The following ATAD3A variants were observed in gnomAD, a reference collection of about 807,000 sequenced individuals.
The protein encoded by ATAD3A is ATPase family AAA domain containing 3A, also known as ATPase family AAA domain-containing protein 3A.
ATAD3A carries 46 observed loss-of-function variants against 73.8 expected under a neutral mutation model. That is an observed-to-expected ratio of 0.62 (90% confidence interval 0.49 to 0.80). ATAD3A has a LOEUF of 0.80. ATAD3A is among the 30% of genes least tolerant of loss of function. The pLI, the probability that ATAD3A is intolerant of heterozygous loss-of-function variation, is 0.00. For synonymous variants in ATAD3A, 319 were observed against 350.0 expected (o/e 0.91, Z 0.99); for missense variants, 705 against 838.0 (o/e 0.84, Z 1.96).
chr1:1,521,911 T>C (rs1040501703), intron 7 of ATAD3A, among the ~76,000 whole-genome samples: 3 of 152,066 alleles, frequency 2.0e-5, no homozygotes, highest in African/African-American at 7.2e-5. Flanking sequence ...GTATTTTTAG[T>C]AGAGATGGGT....
intron 4 of ATAD3A, among the ~76,000 whole-genome samples, 155 bp downstream of exon 4, chr1:1,517,930 A>T (rs1379808436): frequency 1.3e-5 from 2 of 152,044 alleles, no homozygotes; most frequent in African/African-American, 4.8e-5. Context: ...GACACGCACC[A>T]GCACACGTGT....
chr1:1,534,360 C>A lies in ATAD3A; in HGVS notation c.*288C>A. On this transcript the variant is annotated 3_prime_UTR_variant, in exon 16 of 16. Transcript: ENST00000378756. The stretch of plus-strand genomic sequence containing the variant: ...CAGGGGGAGGGTGAGGCTTTGCACC[C>A]CAGCCCCTGCCCAGGCCACTGTGAG... 7.2e-7 allele frequency: 1 copy of A among 1,389,514 alleles called. No individual in the cohort carries two copies. Among genetic ancestry groups the A allele is most frequent in the South Asian group, 1.7e-5 (1 of 58,614 alleles). 86.1% of individuals were successfully genotyped at this position (1,389,514 alleles called of 1,614,324 possible). A position where few individuals can be genotyped will look rare whatever the true frequency, so the allele number is the denominator to read the frequency against.
Position 1,523,901 on chromosome 1 carries a change from C to T in ATAD3A, c.1026C>T (p.Arg342=). ...AIATRNTKKN[R]SLYRNILMYG... is the part of the protein sequence containing the mutation. ...CAACAAGGAACACCAAGAAGAACCG[C>T]AGCCTGTACAGGAACATCCTGATGT... The change falls in exon 10 of 16, where the codon CGC becomes CGT. Residue 342 remains arginine (R), a synonymous_variant. Transcript: ENST00000378756. The surrounding 1 kb of genome is among the most constrained non-coding windows in gnomAD (Gnocchi z 5.1). The T allele has an allele frequency of 1.9e-6, 3 of 1,613,996 alleles. No individual in the cohort carries two copies. The highest frequency in any genetic ancestry group is 2.5e-6 in the Non-Finnish European group (3 of 1,179,984).
intron 7 of ATAD3A, among the ~76,000 whole-genome samples, chr1:1,521,175 T>G (rs1474475704): frequency 3.3e-5 from 5 of 150,400 alleles, no homozygotes; most frequent in African/African-American, 1.2e-4. Context: ...GGCGGGCGCC[T>G]ATAGTCCCAG....
At chr1:1,512,579 G>C in intron 1 of ATAD3A, 106 bp downstream of exon 1, 4 of 1,399,706 alleles carry the variant, frequency 2.9e-6, no homozygotes, top group Non-Finnish European at 3.8e-6. Context: ...GCCACTTCCC[G>C]GGCGAGACTG....
rs574343682 is a variant in ATAD3A at position 1,522,810 on chromosome 1, C to A, written c.817C>A (p.Arg273Ser). ...SAKNATLVAG[R>S]FIEARLGKPS... is the part of the protein sequence containing the mutation. ...CAAGAATGCCACGCTTGTCGCCGGC[C>A]GCTTCATCGAGGCTCGGCTGGGGAA... is the stretch of plus-strand genomic sequence containing the variant. The change falls in exon 8 of 16, where the codon CGC becomes AGC. Residue 273 changes from arginine (R) to serine (S), a missense_variant. Arg to Ser is a moderately radical substitution (Grantham distance 110). Around this residue, in one of 5 missense-constraint regions of ATAD3A, gnomAD observed 315 missense variants for 334.1 expected, o/e 0.94. Transcript: ENST00000378756. 8 of 1,611,126 alleles carry A rather than the reference C, an allele frequency of 5.0e-6. No individual in the cohort carries two copies. The highest frequency in any genetic ancestry group is 6.8e-6 in the Non-Finnish European group (8 of 1,179,768).
rs752275116 is a variant in ATAD3A at position 1,534,001 on chromosome 1, C to G, written c.1690C>G (p.Gln564Glu). ...CACCCGCGTGCAAGATGCTGTCCAG[C>G]AGCACCAGCAGAAGATGTGCTGGCT... ...MDTRVQDAVQ[Q>E]HQQKMCWLKA... is the part of the protein sequence containing the mutation. Residue 564 changes from glutamine to glutamate, a missense_variant, in exon 16 of 16, where the codon CAG (glutamine) becomes GAG (glutamate). Transcript: ENST00000378756. The G allele has an allele frequency of 5.0e-6, 8 of 1,613,512 alleles. No individual in the cohort carries two copies. The East Asian group carries it at 1.8e-4, about 36-fold the overall frequency.
intron 14 of ATAD3A, 95 bp downstream of exon 14, chr1:1,527,957 C>CAT: frequency 8.2e-7 from 1 of 1,214,488 alleles, no homozygotes; most frequent in Non-Finnish European, 1.1e-6. Context: ...CTTTAACATT[C>CAT]CTTTTTTTTT....
chr1:1,527,768 G>A lies in ATAD3A; in HGVS notation c.1411G>A (p.Val471Ile), dbSNP rs1463982607. ...CATCAATGACCGCATCAATGAGATGGTCCACTTCGACCTGCCAGGGCAGGA... is the reference window on the plus strand; with the variant it reads ...CATCAATGACCGCATCAATGAGATGATCCACTTCGACCTGCCAGGGCAGGA... ...WAINDRINEMVHFDLPGQEER... is the reference protein window; with the variant it reads ...WAINDRINEMIHFDLPGQEER... The change falls in exon 14 of 16, where the codon GTC becomes ATC. Residue 471 changes from valine to isoleucine, a missense_variant. Around this residue, in one of 5 missense-constraint regions of ATAD3A, gnomAD observed 252 missense variants for 278.5 expected, o/e 0.90. Transcript: ENST00000378756. The A allele has an allele frequency of 4.3e-6, 7 of 1,613,972 alleles. No homozygotes were observed. The highest frequency in any genetic ancestry group is 1.7e-5 in the Admixed American group (1 of 60,020).
intron 15 of ATAD3A, among the ~76,000 whole-genome samples, chr1:1,532,455 G>C (rs1400099462): frequency 6.6e-6 from 1 of 152,240 alleles, no homozygotes; most frequent in East Asian, 1.9e-4. Context: ...TCCCAGAAAA[G>C]TTGCAAGAGT....
Position 1,523,884 on chromosome 1 carries a change from A to G in ATAD3A, c.1009A>G (p.Asn337Asp). ...GCGCGACATCGCCATAGCAACAAGG[A>G]ACACCAAGAAGAACCGCAGCCTGTA... ...RVRDIAIATR[N>D]TKKNRSLYRN... Residue 337 changes from asparagine to aspartate, a missense_variant, in exon 10 of 16, where the codon AAC (asparagine) becomes GAC (aspartate). Coordinates refer to ENST00000378756, the MANE Select transcript of ATAD3A (RefSeq NM_001170535.3). This position sits in a 1 kb window ranked among gnomAD's most constrained non-coding sequence, Gnocchi z 5.1. 1.9e-6 allele frequency: 3 copies of G among 1,614,026 alleles called. No homozygotes were observed. Among genetic ancestry groups the G allele is most frequent in the Non-Finnish European group, 2.5e-6 (3 of 1,180,010 alleles).
intron 15 of ATAD3A, among the ~76,000 whole-genome samples, chr1:1,530,551 C>T (rs535104143): frequency 9.6e-6 from 1 of 104,588 alleles, no homozygotes; most frequent in Non-Finnish European, 1.5e-5. Context: ...GAATAATGGC[C>T]GGGCGCGGTG....
rs549234185 is a variant in ATAD3A at position 1,530,807 on chromosome 1, C to T, written c.1614+1476C>T. On this transcript the variant is annotated intron_variant, in intron 15 of 15. Coordinates refer to ENST00000378756, the MANE Select transcript of ATAD3A (RefSeq NM_001170535.3). ...TCCCGCCACTGCACTCCAGCCTGGG[C>T]GACAGAGCGAGACTCCGTCTCAAAA... Among the ~76,000 whole-genome samples, 5 of 77,466 alleles carry T rather than the reference C, an allele frequency of 6.5e-5. No homozygotes were observed. In the South Asian group the frequency reaches 1.7e-3, roughly 26 times the overall value. The allele number at this position is 77,466 out of a possible 152,430, so 50.8% of individuals were successfully genotyped here.
rs1454274517 is a variant in ATAD3A, at chr1:1,520,861, C to G, written c.750+244C>G. On this transcript the variant is annotated intron_variant, in intron 7 of 15. Transcript: ENST00000378756. This position sits in a 1 kb window ranked among gnomAD's most constrained non-coding sequence, Gnocchi z 4.0. Reference sequence around the variant, plus strand: ...ATCTCTACAAAAAATCAAATATTAGCTGGGTGTGGTGGCAGCCCCTGTGGT... The same window carrying G: ...ATCTCTACAAAAAATCAAATATTAGGTGGGTGTGGTGGCAGCCCCTGTGGT... Among the ~76,000 whole-genome samples, 1 of 151,984 alleles carries G rather than the reference C, an allele frequency of 6.6e-6. No individual in the cohort carries two copies. Among genetic ancestry groups the G allele is most frequent in the Non-Finnish European group, 1.5e-5 (1 of 67,982 alleles).
intron 1 of ATAD3A, among the ~76,000 whole-genome samples, chr1:1,513,819 G>A (rs1456575867): frequency 2.0e-5 from 3 of 152,014 alleles, no homozygotes; most frequent in Middle Eastern, 3.4e-3. Context: ...GCCGAGATTC[G>A]GCCGGAGCCC....
rs181517188 is a variant in ATAD3A, at chr1:1,521,160, G to A, written c.750+543G>A. On this transcript the variant is annotated intron_variant, in intron 7 of 15. Transcript: ENST00000378756. ...AAAAAATACAAAAAATTAGCCGGGC[G>A]CAGTGGCGGGCGCCTATAGTCCCAG... is the stretch of plus-strand genomic sequence containing the variant. 8.3e-4 allele frequency among the ~76,000 whole-genome samples: 126 copies of A among 151,542 alleles called. 1 individual carries two copies. The highest frequency in any genetic ancestry group is 3.0e-3 in the African/African-American group (122 of 41,342).
chr1:1,514,673 C>T (rs1460051348), intron 1 of ATAD3A, among the ~76,000 whole-genome samples: 1 of 152,164 alleles, frequency 6.6e-6, no homozygotes, highest in Non-Finnish European at 1.5e-5. Flanking sequence ...CTTCCCCCTG[C>T]GTCAGTCACC....
In ATAD3A at chr1:1,523,597, C is replaced by T. The variant is rs368314092; in HGVS notation, c.963+30C>T. 1.7e-4 allele frequency: 273 copies of T among 1,612,170 alleles called. 1 individual carries two copies. Among genetic ancestry groups the T allele is most frequent in the Admixed American group, 7.0e-4 (42 of 59,934 alleles). On this transcript the variant is annotated intron_variant, in intron 9 of 15. Transcript: ENST00000378756. This position sits in a 1 kb window ranked among gnomAD's most constrained non-coding sequence, Gnocchi z 5.1. ...GTCGGTGTGCCTGGGACCGGGGAGG[C>T]GCAGGGAGGGGACCCTGGAGCTGGG...
At chr1:1,527,923 C>T in intron 14 of ATAD3A, 61 bp downstream of exon 14, 1 of 1,512,678 alleles carries the variant, frequency 6.6e-7, no homozygotes, top group South Asian at 1.2e-5. Context: ...CACCCCGACC[C>T]ACAGTCCACC....
Sources: gnomAD v4.1 joint callset for allele counts (sites outside exome capture counted in the v4.1 genomes callset) on GRCh38, gnomAD v4.1.1 for gene constraint, gnomAD v4.1.1 regional missense constraint, Gnocchi (gnomAD v3.1) non-coding constraint, MANE v1.5 for transcripts, NCBI Gene and HGNC (gene_info 2026-07-23, HGNC 2026-07-21) for gene names.